DGUOK: variants seen among roughly 807,000 people sequenced by gnomAD.
DGUOK encodes the protein deoxyguanosine kinase.
DGUOK carries 30 observed loss-of-function variants against 36.6 expected under a neutral mutation model. The ratio of observed to expected loss-of-function variants is 0.82; its 90% CI spans 0.61 to 1.11. The LOEUF is 1.11. Among genes scored for constraint, DGUOK ranks in the 50% most tolerant of loss-of-function variants. DGUOK has a pLI of 0.00. For synonymous variants in DGUOK, 145 were observed against 126.3 expected, an observed-to-expected ratio of 1.15 and a Z score of -0.99; for missense variants, 361 against 336.4, an observed-to-expected ratio of 1.07 and a Z score of -0.57.
Position 73,958,942 on chromosome 2 carries a change from A to C in DGUOK, c.*206A>C. On this transcript the variant is annotated 3_prime_UTR_variant, in exon 7 of 7. Coordinates refer to ENST00000264093, the MANE Select transcript of DGUOK (RefSeq NM_080916.3). ...GCATTTTGAAAATAAAGTTTACTTA[A>C]GTTATGCTTGTTTTTCTAATTCAGT... is the stretch of plus-strand genomic sequence containing the variant. 1 of 605,688 alleles carries C rather than the reference A, an allele frequency of 1.7e-6. No individual in the cohort carries two copies. The highest frequency in any genetic ancestry group is 2.9e-6 in the Non-Finnish European group (1 of 340,118). 37.5% of individuals were successfully genotyped at this position (605,688 alleles called of 1,614,324 possible). A position where few individuals can be genotyped will look rare whatever the true frequency, so the allele number is the denominator to read the frequency against.
rs1207138649 is a variant in DGUOK at position 73,926,982 on chromosome 2, G to C, written c.72G>C (p.Glu24Asp). 6.2e-7 allele frequency: 1 copy of C among 1,612,570 alleles called. No individual in the cohort carries two copies. Among genetic ancestry groups the C allele is most frequent in the Non-Finnish European group, 8.5e-7 (1 of 1,180,042 alleles). Residue 24 changes from glutamate to aspartate, a missense_variant, in exon 1 of 7, where the codon GAG (glutamate) becomes GAC (aspartate). Physicochemically the swap from Glu to Asp is conservative, Grantham distance 45. Transcript: ENST00000264093. ...PFSSMAKSPL[E>D]GVSSSRGLHA... is the part of the protein sequence containing the mutation. ...GTTCCATGGCCAAGAGCCCACTCGAGGGCGTTTCCTCCTCCAGAGGCCTGC... is the reference window on the plus strand; with the variant it reads ...GTTCCATGGCCAAGAGCCCACTCGACGGCGTTTCCTCCTCCAGAGGCCTGC...
At chr2:73,953,167 C>T (rs564288481) in intron 4 of DGUOK, among the ~76,000 whole-genome samples, 4 of 152,162 alleles carry the variant, frequency 2.6e-5, no homozygotes, top group Admixed American at 2.0e-4. Flanking sequence ...ACCTAATCAC[C>T]TCTTAAAGGC....
At chr2:73,958,349 A>G (rs1185039057) in intron 6 of DGUOK, 104 bp downstream of exon 6, 1 of 867,420 alleles carries the variant, frequency 1.2e-6, no homozygotes, top group Non-Finnish European at 1.9e-6. Context: ...TGTGCTTTGC[A>G]TCTCACATTG....
At chr2:73,957,326 C>T in intron 5 of DGUOK, 86 bp downstream of exon 5, 1 of 967,948 alleles carries the variant, frequency 1.0e-6, no homozygotes, top group South Asian at 1.4e-5. Context: ...ATGCAGCCCC[C>T]TGTAGGAAGG....
chr2:73,944,809 TACA>T (rs1682164668), intron 2 of DGUOK, among the ~76,000 whole-genome samples: 1 of 152,154 alleles, frequency 6.6e-6, no homozygotes, highest in Non-Finnish European at 1.5e-5. Flanking sequence ...CCGCTCCACA[TACA>T]GTGTGTGAAT....
At position 73,957,200 on chromosome 2, in the gene DGUOK, C is replaced by G; in HGVS notation, c.667C>G (p.His223Asp). Residue 223 changes from histidine (H) to aspartate (D), a missense_variant, in exon 5 of 7, where the codon CAT becomes GAT. By Grantham distance (81) the His-to-Asp change is moderately conservative (BLOSUM62 -1). Transcript: ENST00000264093. ...GIELAYLEQL[H>D]GQHEAWLIHK... ...TGAGCTGGCCTATCTAGAGCAGCTG[C>G]ATGGCCAACACGAAGCCTGGCTTAT... 1 of 1,614,162 alleles carries G rather than the reference C, an allele frequency of 6.2e-7. No individual in the cohort carries two copies. The highest frequency in any genetic ancestry group is 8.5e-7 in the Non-Finnish European group (1 of 1,180,010).
chr2:73,927,095 G>C (rs934971427), intron 1 of DGUOK, 43 bp downstream of exon 1: 3 of 1,601,946 alleles, frequency 1.9e-6, no homozygotes, highest in Non-Finnish European at 1.7e-6. Flanking sequence ...CCTCCGCCAC[G>C]CAGGCGACAG....
At chr2:73,934,768 A>AG (rs2104886334) in intron 1 of DGUOK, among the ~76,000 whole-genome samples, 1 of 148,036 alleles carries the variant, frequency 6.8e-6, no homozygotes, top group South Asian at 2.2e-4. Context: ...AAAAAAAAAA[A>AG]AGGAAAGAAA....
intron 4 of DGUOK, among the ~76,000 whole-genome samples, chr2:73,955,052 G>A (rs1291577375): frequency 6.6e-6 from 1 of 151,976 alleles, no homozygotes; most frequent in African/African-American, 2.4e-5. Flanking sequence ...ACTCAATACT[G>A]CCACCAGTTA....
intron 2 of DGUOK, among the ~76,000 whole-genome samples, chr2:73,945,266 C>A (rs970465619): frequency 6.6e-6 from 1 of 152,192 alleles, no homozygotes; most frequent in African/African-American, 2.4e-5. Context: ...AGATTCCTTC[C>A]ACCATCAGTA....
At chr2:73,939,906 CCTT>C (rs1292894382) in intron 2 of DGUOK, among the ~76,000 whole-genome samples, 2 of 129,204 alleles carry the variant, frequency 1.5e-5, no homozygotes, top group Non-Finnish European at 3.3e-5. Flanking sequence ...AAGTCTCTCT[CCTT>C]TTTTTTTTTT....
At chr2:73,932,042 CAT>C (rs1681079766) in intron 1 of DGUOK, among the ~76,000 whole-genome samples, 1 of 152,048 alleles carries the variant, frequency 6.6e-6, no homozygotes, top group African/African-American at 2.4e-5. Context: ...GCCTGTGAGA[CAT>C]AGAGGTGTTC....
chr2:73,942,099 G>A lies in DGUOK; in HGVS notation c.255+3077G>A, dbSNP rs183392626. On this transcript the variant is annotated intron_variant, in intron 2 of 6. Transcript: ENST00000264093. The stretch of plus-strand genomic sequence containing the variant: ...TAATTATTGAATATTTAGTAGAGAT[G>A]GGGTTTCACCATGTTGGCCAGGCTG... Among the ~76,000 whole-genome samples, 155 of 151,896 alleles carry A rather than the reference G, an allele frequency of 1.0e-3. 2 individuals carry two copies. In the East Asian group the frequency reaches 0.024, roughly 24 times the overall value.
chr2:73,946,934 C>T (rs1682382780), intron 3 of DGUOK, 28 bp downstream of exon 3: 2 of 1,590,458 alleles, frequency 1.3e-6, no homozygotes, highest in Non-Finnish European at 1.7e-6. Flanking sequence ...CCACCAGTCA[C>T]AAGCCCCATG....
At chr2:73,945,280 G>A (rs1265560249) in intron 2 of DGUOK, among the ~76,000 whole-genome samples, 2 of 152,024 alleles carry the variant, frequency 1.3e-5, no homozygotes, top group Non-Finnish European at 2.9e-5. Context: ...ATCAGTAATC[G>A]TCCCTTCATC....
At chr2:73,957,494 T>C (rs914601146) in intron 5 of DGUOK, among the ~76,000 whole-genome samples, 3 of 152,076 alleles carry the variant, frequency 2.0e-5, no homozygotes, top group African/African-American at 4.8e-5. Context: ...GCCAACATGG[T>C]GAAACCCTGT....
chr2:73,950,850 A>G lies in DGUOK; in HGVS notation c.591+118A>G. 2.2e-6 allele frequency: 3 copies of G among 1,366,230 alleles called. No individual in the cohort carries two copies. The South Asian group carries it at 3.5e-5, about 16-fold the overall frequency. The allele number at this position is 1,366,230 out of a possible 1,614,324, so 84.6% of individuals were successfully genotyped here. A position where few individuals can be genotyped will look rare whatever the true frequency, so the allele number is the denominator to read the frequency against. Reference sequence around the variant, plus strand: ...AGAGCGTAGACATTACCTGCAGCACAGAGAGCAGTGGGGGACACCCTCCTG... The same window carrying G: ...AGAGCGTAGACATTACCTGCAGCACGGAGAGCAGTGGGGGACACCCTCCTG... On this transcript the variant is annotated intron_variant, in intron 4 of 6. Coordinates refer to ENST00000264093, the MANE Select transcript of DGUOK (RefSeq NM_080916.3).
intron 1 of DGUOK, chr2:73,932,716 T>C (rs1272960634): frequency 8.7e-7 from 1 of 1,153,262 alleles, no homozygotes; most frequent in Non-Finnish European, 1.1e-6. Flanking sequence ...GTATTCCTTC[T>C]GCTCTAAGTC....
At chr2:73,955,521 G>A (rs1348877261) in intron 4 of DGUOK, among the ~76,000 whole-genome samples, 2 of 152,156 alleles carry the variant, frequency 1.3e-5, no homozygotes, top group African/African-American at 4.8e-5. Flanking sequence ...CCAAGTCTTT[G>A]GGATTATTGT....
Sources: allele counts gnomAD v4.1 joint callset (sites outside exome capture counted in the v4.1 genomes callset), GRCh38; gene constraint gnomAD v4.1.1; transcripts MANE v1.5; gene names NCBI Gene and HGNC (gene_info 2026-07-23, HGNC 2026-07-21).